The following SPDYE12 variants were observed in gnomAD, a reference collection of about 807,000 sequenced individuals.
SPDYE12 encodes the protein speedy protein E12.
chr7:74,911,996 C>T, the SPDYE12 span: 1 of 53,684 alleles, frequency 1.9e-5, no homozygotes, highest in South Asian at 1.2e-4. Flanking sequence ...GCTTCGCCTT[C>T]ATCTTGAGGC....
chr7:74,907,360 C>T, the SPDYE12 span, among the ~76,000 whole-genome samples: 18 of 150,978 alleles, frequency 1.2e-4, no homozygotes, highest in South Asian at 4.2e-4. Flanking sequence ...ACTGGGAGGC[C>T]GAAGCAGGAG....
At chr7:74,910,336 C>T in the SPDYE12 span, among the ~76,000 whole-genome samples, 1 of 150,554 alleles carries the variant, frequency 6.6e-6, no homozygotes, top group Admixed American at 6.7e-5. Flanking sequence ...GTACTCCATC[C>T]TGGGGAGCAG....
chr7:74,907,558 C>T, the SPDYE12 span, among the ~76,000 whole-genome samples: 1 of 150,484 alleles, frequency 6.6e-6, no homozygotes, highest in Non-Finnish European at 1.5e-5. Context: ...ACAGAGAAAC[C>T]CCATCTATAC....
the SPDYE12 span, among the ~76,000 whole-genome samples, chr7:74,909,048 TTTG>T: frequency 4.2e-5 from 6 of 143,928 alleles, no homozygotes; most frequent in South Asian, 2.1e-4. Context: ...TTTTTTTTTT[TTTG>T]GCTTTTTTTT....
the SPDYE12 span, among the ~76,000 whole-genome samples, chr7:74,909,798 C>T: frequency 7.3e-5 from 11 of 150,372 alleles, no homozygotes; most frequent in South Asian, 2.1e-4. Flanking sequence ...TCCGAGAAGC[C>T]GGAGGAAGGG....
chr7:74,906,366 G>T, the SPDYE12 span, among the ~76,000 whole-genome samples: 1 of 73,082 alleles, frequency 1.4e-5, no homozygotes, highest in Non-Finnish European at 2.8e-5. Context: ...TCACTCTGTC[G>T]CCTGGGCTGG....
chr7:74,909,756 G>C, the SPDYE12 span: 18 of 726,592 alleles, frequency 2.5e-5, 1 homozygote, highest in Admixed American at 4.3e-4. Flanking sequence ...GGAAATTGCG[G>C]GGTGGAGGGG....
At chr7:74,909,809 T>A in the SPDYE12 span, among the ~76,000 whole-genome samples, 611 of 148,036 alleles carry the variant, frequency 4.1e-3, 6 homozygotes, top group African/African-American at 0.014. Context: ...GGAGGAAGGG[T>A]TTTCGGTGAT....
chr7:74,909,600 A>G, the SPDYE12 span: 6 of 1,484,374 alleles, frequency 4.0e-6, 1 homozygote, highest in South Asian at 6.8e-5. Flanking sequence ...GACCATAGCC[A>G]GGAGATACTG....
chr7:74,909,652 G>C, the SPDYE12 span: 1 of 1,534,186 alleles, frequency 6.5e-7, no homozygotes, highest in Non-Finnish European at 9.0e-7. Context: ...TCACATCTTG[G>C]GAGAGGAAGA....
chr7:74,906,124 C>T, the SPDYE12 span, among the ~76,000 whole-genome samples: 6 of 121,442 alleles, frequency 4.9e-5, no homozygotes, highest in East Asian at 2.9e-4. Context: ...AACTTGTAAC[C>T]GTGCTAGATC....
the SPDYE12 span, among the ~76,000 whole-genome samples, chr7:74,906,274 G>A: frequency 2.8e-5 from 4 of 141,982 alleles, 1 homozygote; most frequent in Admixed American, 1.4e-4. Flanking sequence ...CTGAACCCTC[G>A]ACCCAGATCG....
the SPDYE12 span, among the ~76,000 whole-genome samples, chr7:74,909,053 CTTT>C: frequency 2.2e-5 from 1 of 46,274 alleles, no homozygotes; most frequent in African/African-American, 7.1e-5. Context: ...TTTTTTTTGG[CTTT>C]TTTTTTTTTT....
the SPDYE12 span, among the ~76,000 whole-genome samples, chr7:74,908,128 A>G: frequency 1.4e-5 from 2 of 145,522 alleles, no homozygotes; most frequent in African/African-American, 5.0e-5. Context: ...ACCGACTTCA[A>G]GGAATGGGTC....
the SPDYE12 span, among the ~76,000 whole-genome samples, chr7:74,909,033 G>GT: frequency 0.014 from 450 of 31,842 alleles, 4 homozygotes; most frequent in Non-Finnish European, 0.033. Flanking sequence ...TTTTTGCCTG[G>GT]TTTTTTTTTT....
the SPDYE12 span, among the ~76,000 whole-genome samples, chr7:74,908,822 C>T: frequency 3.8e-4 from 57 of 148,076 alleles, 1 homozygote; most frequent in Admixed American, 1.2e-3. Context: ...TACAGGCGCC[C>T]GCCACCACAC....
chr7:74,909,916 T>C, the SPDYE12 span, among the ~76,000 whole-genome samples: 1 of 148,986 alleles, frequency 6.7e-6, no homozygotes, highest in Admixed American at 6.8e-5. Context: ...CAGAGAACTG[T>C]CCCAAGGAGC....
At chr7:74,907,775 G>A in the SPDYE12 span, among the ~76,000 whole-genome samples, 1 of 141,568 alleles carries the variant, frequency 7.1e-6, no homozygotes, top group African/African-American at 2.8e-5. Flanking sequence ...ATAAATAACT[G>A]TCCAGGTGTG....
the SPDYE12 span, chr7:74,909,738 G>A: frequency 6.2e-5 from 76 of 1,224,398 alleles, no homozygotes; most frequent in Middle Eastern, 2.7e-4. Context: ...GGGTGACTGT[G>A]CTCATGTGGA....
Sources: gnomAD v4.1 joint callset for allele counts (sites outside exome capture counted in the v4.1 genomes callset) on GRCh38, gnomAD v4.1.1 for gene constraint, MANE v1.5 for transcripts, NCBI Gene and HGNC (gene_info 2026-07-23, HGNC 2026-07-21) for gene names.